Variants in TMC2 observed in about 807,000 individuals in gnomAD.
The protein encoded by TMC2 is transmembrane channel like 2.
TMC2 carries 102 observed loss-of-function variants against 105.9 expected under a neutral mutation model. The observed-to-expected ratio is 0.96, with a 90% CI of 0.82 to 1.14. The LOEUF (loss-of-function observed/expected upper bound fraction) is 1.14. Ranked by LOEUF, TMC2 falls within the 50% of genes most tolerant of loss-of-function variation. The pLI is 0.00. For synonymous variants in TMC2, 402 were observed against 422.8 expected (o/e 0.95, Z 0.60); for missense variants, 1,093 against 1,134.3 (o/e 0.96, Z 0.52).
At chr20:2,548,974 G>T (rs540407660) in intron 2 of TMC2, among the ~76,000 whole-genome samples, 4 of 152,220 alleles carry the variant, frequency 2.6e-5, no homozygotes, top group Admixed American at 2.6e-4. Flanking sequence ...ACCAAAGAAG[G>T]CATAGCTGTT....
chr20:2,633,323 CATAAACA>C (rs1207850189), intron 17 of TMC2, among the ~76,000 whole-genome samples: 3 of 65,494 alleles, frequency 4.6e-5, no homozygotes, highest in African/African-American at 1.4e-4. Flanking sequence ...TTCTTGGACA[CATAAACA>C]GCCCTGGACA....
intron 7 of TMC2, among the ~76,000 whole-genome samples, chr20:2,584,672 A>G (rs6050346): frequency 0.21 from 31,444 of 151,994 alleles, 5,046 homozygotes; most frequent in African/African-American, 0.45. Flanking sequence ...GTATCTAAAG[A>G]TGTATCCCCT....
intron 7 of TMC2, among the ~76,000 whole-genome samples, chr20:2,590,861 G>A (rs2086263579): frequency 1.3e-5 from 2 of 152,096 alleles, no homozygotes; most frequent in Admixed American, 1.3e-4. Context: ...TATATTTAAT[G>A]TCCACTTAAA....
intron 16 of TMC2, among the ~76,000 whole-genome samples, chr20:2,619,916 A>C (rs1278587130): frequency 6.6e-6 from 1 of 152,132 alleles, no homozygotes; most frequent in African/African-American, 2.4e-5. Context: ...TGAACTTATA[A>C]GAAAGGAACT....
intron 19 of TMC2, 23 bp from the exon 20 acceptor site, chr20:2,641,111 T>C: frequency 6.2e-7 from 1 of 1,608,742 alleles, no homozygotes; most frequent in Non-Finnish European, 8.5e-7. Flanking sequence ...ACTTCCTCTT[T>C]CTTGTCTTGG....
rs139764300 is a variant in TMC2, at chr20:2,561,779, C to T, written c.402-79C>T. The T allele has an allele frequency of 2.0e-6, 3 of 1,502,318 alleles. No homozygotes were observed. The East Asian group carries it at 6.8e-5, about 34-fold the overall frequency. 93.1% of individuals were successfully genotyped at this position (1,502,318 alleles called of 1,614,324 possible). A position where few individuals can be genotyped will look rare whatever the true frequency, so the allele number is the denominator to read the frequency against. On this transcript the variant is annotated intron_variant, in intron 3 of 19. Transcript: ENST00000358864. ...GGGAAGGGGTGCCATCTTCCATGGG[C>T]CCCTCCTCATTCCACAGCACCTGAG...
chr20:2,632,544 G>A (rs2146266845), intron 17 of TMC2, among the ~76,000 whole-genome samples: 1 of 151,962 alleles, frequency 6.6e-6, no homozygotes, highest in South Asian at 2.1e-4. Flanking sequence ...GTATGGGCCA[G>A]GCTTTCTTTT....
At position 2,642,128 on chromosome 20, in the gene TMC2, T is replaced by C. The variant is rs192587620; in HGVS notation, c.*777T>C. On this transcript the variant is annotated 3_prime_UTR_variant, in exon 20 of 20. Transcript: ENST00000358864. ...CAGGAGTGGTGGCTCACACCTGTAA[T>C]CCCAACACTTTAAGAGGCTGAAGTG... is the stretch of plus-strand genomic sequence containing the variant. Among the ~76,000 whole-genome samples the C allele has an allele frequency of 7.2e-5, 11 of 152,198 alleles. No individual in the cohort carries two copies. The highest frequency in any genetic ancestry group is 2.7e-4 in the African/African-American group (11 of 41,508).
At chr20:2,543,825 C>A (rs2085906369) in intron 2 of TMC2, among the ~76,000 whole-genome samples, 1 of 151,828 alleles carries the variant, frequency 6.6e-6, no homozygotes, top group Non-Finnish European at 1.5e-5. Context: ...TTTGAGAGGT[C>A]ATCATTTCAT....
intron 2 of TMC2, 148 bp downstream of exon 2, chr20:2,537,464 G>T (rs2085857739): frequency 1.1e-5 from 8 of 734,156 alleles, no homozygotes; most frequent in Non-Finnish European, 1.9e-5. Context: ...GGGAGGCAAG[G>T]TGTTTAACAT....
At chr20:2,628,562 C>G (rs116782548) in intron 17 of TMC2, among the ~76,000 whole-genome samples, 2,452 of 151,574 alleles carry the variant, frequency 0.016, 75 homozygotes, top group African/African-American at 0.055. Context: ...GGAGGCAGTT[C>G]CCCCCGTGCC....
At chr20:2,583,021 T>G (rs2086205897) in intron 7 of TMC2, among the ~76,000 whole-genome samples, 1 of 152,192 alleles carries the variant, frequency 6.6e-6, no homozygotes. Flanking sequence ...CAACACTGGA[T>G]GTATGTGAAA....
At chr20:2,598,659 C>T (rs1218753231) in intron 10 of TMC2, among the ~76,000 whole-genome samples, 1 of 151,970 alleles carries the variant, frequency 6.6e-6, no homozygotes, top group Non-Finnish European at 1.5e-5. Context: ...CTGCCCGCCT[C>T]GGCCTCCCAA....
chr20:2,562,042 C>A (rs77716351), intron 4 of TMC2, 32 bp downstream of exon 4: 2 of 1,602,320 alleles, frequency 1.2e-6, no homozygotes, highest in Admixed American at 1.7e-5. Context: ...CAGGGCCTTC[C>A]GATGTCCACA....
chr20:2,604,433 A>G (rs2086374423), intron 11 of TMC2, among the ~76,000 whole-genome samples: 1 of 152,210 alleles, frequency 6.6e-6, no homozygotes, highest in South Asian at 2.1e-4. Context: ...GAGTGACTCT[A>G]TTTTGAGACA....
chr20:2,607,987 G>C (rs1568522578), intron 11 of TMC2, among the ~76,000 whole-genome samples: 1 of 151,992 alleles, frequency 6.6e-6, no homozygotes, highest in Non-Finnish European at 1.5e-5. Context: ...AGCTGGGCAT[G>C]GTGGCGCATG....
intron 4 of TMC2, 85 bp downstream of exon 4, chr20:2,562,095 C>T: frequency 6.0e-6 from 9 of 1,491,214 alleles, no homozygotes; most frequent in African/African-American, 1.4e-5. Flanking sequence ...CACATTTCCC[C>T]AAAGGGGCTT....
intron 8 of TMC2, among the ~76,000 whole-genome samples, chr20:2,594,583 C>T (rs986425083): frequency 1.4e-4 from 22 of 152,208 alleles, no homozygotes; most frequent in African/African-American, 4.3e-4. Flanking sequence ...CCTCCCATGT[C>T]TCCATGCACT....
At chr20:2,578,393 G>C (rs563079289) in intron 5 of TMC2, among the ~76,000 whole-genome samples, 1 of 152,298 alleles carries the variant, frequency 6.6e-6, no homozygotes, top group South Asian at 2.1e-4. Context: ...CTTTCTATGA[G>C]TATTTCTACC....
Sources: gnomAD v4.1 joint callset for allele counts (sites outside exome capture counted in the v4.1 genomes callset) on GRCh38, gnomAD v4.1.1 for gene constraint, MANE v1.5 for transcripts, NCBI Gene and HGNC (gene_info 2026-07-23, HGNC 2026-07-21) for gene names.